The following CFAP20DC variants were observed in gnomAD, a reference collection of about 807,000 sequenced individuals.
CFAP20DC encodes the protein protein CFAP20DC.
CFAP20DC carries 84 observed loss-of-function variants against 101.7 expected under a neutral mutation model. The ratio of observed to expected loss-of-function variants is 0.83; its 90% CI spans 0.69 to 0.99. The LOEUF (loss-of-function observed/expected upper bound fraction) is 0.99, where lower values mean the gene tolerates loss of function less well. Among genes scored for constraint, CFAP20DC ranks in the 50% least tolerant of loss-of-function variants. The pLI is 0.00. For synonymous variants in CFAP20DC, 359 were observed against 351.2 expected, an observed-to-expected ratio of 1.02 and a Z score of -0.25; for missense variants, 1,007 against 970.3, an observed-to-expected ratio of 1.04 and a Z score of -0.50.
At chr3:58,987,335 CAT>C (rs577891433) in intron 4 of CFAP20DC, among the ~76,000 whole-genome samples, 2 of 151,880 alleles carry the variant, frequency 1.3e-5, no homozygotes, top group Non-Finnish European at 2.9e-5. Flanking sequence ...AAATAAGAAT[CAT>C]GTACTACATA....
chr3:59,022,545 T>G (rs2109001895), intron 4 of CFAP20DC, among the ~76,000 whole-genome samples: 1 of 152,228 alleles, frequency 6.6e-6, no homozygotes, highest in African/African-American at 2.4e-5. Flanking sequence ...TAGTTTACTT[T>G]CCAAGTTATA....
In CFAP20DC at chr3:58,769,954, T is replaced by A. The variant is rs1415822453; in HGVS notation, c.2238-16091A>T. 2.0e-5 allele frequency among the ~76,000 whole-genome samples: 3 copies of A among 152,188 alleles called. No individual in the cohort carries two copies. In the East Asian group the frequency reaches 5.8e-4, roughly 29 times the overall value. On this transcript the variant is annotated intron_variant, in intron 15 of 16. Coordinates refer to ENST00000482387, the MANE Select transcript of CFAP20DC (RefSeq NM_001394063.1). ...AATCCACAAAACAGAGAGGATCCAG[T>A]TTCCCACAAGTGCTCAGTGCTCTAA...
At chr3:58,726,832 A>G in intron 3 of CFAP20DC, 1 of 258,476 alleles carries the variant, frequency 3.9e-6, no homozygotes, top group Non-Finnish European at 7.7e-6. Flanking sequence ...ATCAGAAGAG[A>G]TGAGAAGGAC....
At chr3:58,948,748 C>A (rs981561638) in intron 4 of CFAP20DC, among the ~76,000 whole-genome samples, 1 of 152,148 alleles carries the variant, frequency 6.6e-6, no homozygotes, top group African/African-American at 2.4e-5. Flanking sequence ...GTCTAAAATT[C>A]TCTTTTTTTG....
chr3:58,852,332 C>T (rs1214645456), intron 12 of CFAP20DC, among the ~76,000 whole-genome samples: 1 of 151,994 alleles, frequency 6.6e-6, no homozygotes, highest in Non-Finnish European at 1.5e-5. Flanking sequence ...CACCCAGATT[C>T]ATAAAGCAAG....
At chr3:58,812,390 T>A (rs1220491999) in intron 14 of CFAP20DC, among the ~76,000 whole-genome samples, 4 of 152,046 alleles carry the variant, frequency 2.6e-5, no homozygotes, top group Non-Finnish European at 5.9e-5. Flanking sequence ...AAATGATGAG[T>A]TCATGTCCTT....
intron 4 of CFAP20DC, among the ~76,000 whole-genome samples, chr3:58,938,292 C>T (rs1424036780): frequency 6.6e-6 from 1 of 152,218 alleles, no homozygotes; most frequent in African/African-American, 2.4e-5. Context: ...AACTTTATCG[C>T]TCACTATTCA....
intron 6 of CFAP20DC, among the ~76,000 whole-genome samples, chr3:58,910,066 A>G (rs2083993264): frequency 6.6e-6 from 1 of 152,146 alleles, no homozygotes; most frequent in South Asian, 2.1e-4. Context: ...ACATGATCTC[A>G]TTCCTTTTAT....
chr3:58,816,702 G>C (rs556532231), intron 14 of CFAP20DC, among the ~76,000 whole-genome samples: 13 of 152,282 alleles, frequency 8.5e-5, no homozygotes, highest in African/African-American at 1.7e-4. Flanking sequence ...AGGTGGAAGC[G>C]AGGCTGGGGG....
intron 4 of CFAP20DC, among the ~76,000 whole-genome samples, chr3:58,974,099 G>A (rs1258594387): frequency 6.6e-6 from 1 of 152,086 alleles, no homozygotes; most frequent in Non-Finnish European, 1.5e-5. Context: ...CTAGAGGGGT[G>A]GAAGGGAGGA....
chr3:59,041,871 T>A (rs534997848), intron 3 of CFAP20DC, among the ~76,000 whole-genome samples: 42 of 152,254 alleles, frequency 2.8e-4, no homozygotes, highest in African/African-American at 9.9e-4. Flanking sequence ...CTCATAGGAT[T>A]ATTTATATGG....
Position 59,044,218 on chromosome 3 carries a change from C to A in CFAP20DC, c.205+2011G>T, listed in dbSNP as rs762176590. Among the ~76,000 whole-genome samples, 4 of 152,110 alleles carry A rather than the reference C, an allele frequency of 2.6e-5. No individual in the cohort carries two copies. In the East Asian group the frequency reaches 7.7e-4, roughly 29 times the overall value. On this transcript the variant is annotated intron_variant, in intron 3 of 16. Transcript: ENST00000482387. ...TTACTCTTAAAATAGGAATACATAA[C>A]GGTAATTGAATTTATAAATGTTAAT...
downstream of CFAP20DC, among the ~76,000 whole-genome samples, chr3:58,740,342 G>A (rs916679227): frequency 8.5e-5 from 13 of 152,066 alleles, no homozygotes; most frequent in African/African-American, 3.1e-4. This position sits in a 1 kb window ranked among gnomAD's most constrained non-coding sequence, Gnocchi z 4.6. Context: ...CATTCCATGC[G>A]GTCCTGGGGA....
At chr3:58,925,079 T>C (rs1430058989) in intron 5 of CFAP20DC, among the ~76,000 whole-genome samples, 1 of 152,150 alleles carries the variant, frequency 6.6e-6, no homozygotes, top group Non-Finnish European at 1.5e-5. Context: ...TTAAAGCCCT[T>C]GTCTCCTCAT....
rs189833846 is a variant in CFAP20DC, at chr3:58,732,698, C to T, written c.198-15070G>A. On this transcript the variant is annotated intron_variant, in intron 3 of 3. Coordinates refer to the CFAP20DC transcript ENST00000486145. This position sits in a 1 kb window ranked among gnomAD's most constrained non-coding sequence, Gnocchi z 5.4. ...ATAACACCCAACGTGGCACGAAAGC[C>T]GTGGCAAAAACAGTTACTCAAAGGA... Among the ~76,000 whole-genome samples the T allele has an allele frequency of 6.6e-6, 1 of 152,252 alleles. No individual in the cohort carries two copies. The highest frequency in any genetic ancestry group is 2.4e-5 in the African/African-American group (1 of 41,556).
intron 14 of CFAP20DC, among the ~76,000 whole-genome samples, chr3:58,817,475 G>A (rs1322049304): frequency 6.8e-6 from 1 of 147,354 alleles, no homozygotes; most frequent in African/African-American, 2.5e-5. Context: ...ACCAAGGCTC[G>A]AGAACTACGT....
chr3:58,796,975 TG>T (rs1238130800), intron 15 of CFAP20DC, among the ~76,000 whole-genome samples: 9 of 152,314 alleles, frequency 5.9e-5, no homozygotes, highest in Admixed American at 3.9e-4. Flanking sequence ...AAATGCGGTT[TG>T]TATTCTGACT....
Position 58,869,609 on chromosome 3 carries a change from T to G in CFAP20DC, c.853-119A>C. 2 of 705,234 alleles carry G rather than the reference T, an allele frequency of 2.8e-6. No individual in the cohort carries two copies. Among genetic ancestry groups the G allele is most frequent in the South Asian group, 6.7e-5 (2 of 29,792 alleles). 43.7% of individuals were successfully genotyped at this position (705,234 alleles called of 1,614,324 possible). Reference sequence around the variant, plus strand: ...AGAGTGAGAAAAAAACTAGAGGAAATGAGGTTAAGATGTGAAGAAAAAGGA... The same window carrying G: ...AGAGTGAGAAAAAAACTAGAGGAAAGGAGGTTAAGATGTGAAGAAAAAGGA... On this transcript the variant is annotated intron_variant, in intron 8 of 16. Transcript: ENST00000482387. The surrounding 1 kb of genome is among the most constrained non-coding windows in gnomAD (Gnocchi z 4.3).
chr3:58,842,401 G>A (rs2077202655), intron 13 of CFAP20DC, among the ~76,000 whole-genome samples: 1 of 152,142 alleles, frequency 6.6e-6, no homozygotes, highest in Admixed American at 6.5e-5. Context: ...AGAAAGGGGT[G>A]ACAGACGCAC....
Sources: gnomAD v4.1 joint callset for allele counts (sites outside exome capture counted in the v4.1 genomes callset) on GRCh38, gnomAD v4.1.1 for gene constraint, Gnocchi (gnomAD v3.1) non-coding constraint, MANE v1.5 for transcripts, NCBI Gene and HGNC (gene_info 2026-07-23, HGNC 2026-07-21) for gene names.